Variants in CWF19L1 observed in about 807,000 individuals in gnomAD.
CWF19L1 encodes the protein CWF19-like protein 1.
CWF19L1 carries 60 observed loss-of-function variants against 69.7 expected under a neutral mutation model. That is an observed-to-expected ratio of 0.86 (90% confidence interval 0.70 to 1.07). CWF19L1 has a LOEUF of 1.07. Among genes scored for constraint, CWF19L1 ranks in the 50% least tolerant of loss-of-function variants. The probability of loss-of-function intolerance (pLI) is 0.00; values close to 1 mark genes in which losing one functional copy is unlikely to be tolerated. For missense variants in CWF19L1, 591 were observed against 638.9 expected (o/e 0.92, Z 0.81); for synonymous variants, 209 against 222.2 (o/e 0.94, Z 0.53).
At chr10:100,234,733 C>A (rs1224156903) in intron 13 of CWF19L1, among the ~76,000 whole-genome samples, 1 of 152,224 alleles carries the variant, frequency 6.6e-6, no homozygotes, top group Non-Finnish European at 1.5e-5. Context: ...CTGTTCTACA[C>A]ATTTTCCACT....
chr10:100,260,390 A>G (rs1204810284), intron 3 of CWF19L1, 71 bp from the exon 4 acceptor site: 2 of 780,480 alleles, frequency 2.6e-6, no homozygotes, highest in African/African-American at 3.6e-5. Flanking sequence ...ATGCCTCTCT[A>G]TAGAAAAAAT....
chr10:100,245,454 A>T (rs911010320), intron 9 of CWF19L1, among the ~76,000 whole-genome samples: 2 of 152,224 alleles, frequency 1.3e-5, no homozygotes, highest in Admixed American at 1.3e-4. Flanking sequence ...CTAAAAATAC[A>T]GAGTCCAAGA....
At position 100,236,714 on chromosome 10, in the gene CWF19L1, G is replaced by A. The variant is rs533244230; in HGVS notation, c.1374+136C>T. ...GAACCCGGAAGGCGGAGGTTGCAGT[G>A]AGCCAAGATCATGCCACTGCACTCC... On this transcript the variant is annotated intron_variant, in intron 12 of 13. Transcript: ENST00000354105. 12 of 1,038,420 alleles carry A rather than the reference G, an allele frequency of 1.2e-5. No individual in the cohort carries two copies. The South Asian group carries it at 2.0e-4, about 17-fold the overall frequency. The allele number at this position is 1,038,420 out of a possible 1,614,324, so 64.3% of individuals were successfully genotyped here. A position where few individuals can be genotyped will look rare whatever the true frequency, so the allele number is the denominator to read the frequency against.
At chr10:100,265,920 T>G (rs975364305) in intron 1 of CWF19L1, among the ~76,000 whole-genome samples, 3 of 152,216 alleles carry the variant, frequency 2.0e-5, no homozygotes, top group Admixed American at 2.0e-4. Flanking sequence ...GACGTACAGC[T>G]ATACCATTTA....
At chr10:100,262,199 G>A (rs1288224694) in intron 1 of CWF19L1, 136 bp from the exon 2 acceptor site, 14 of 1,390,752 alleles carry the variant, frequency 1.0e-5, no homozygotes, top group Non-Finnish European at 1.3e-5. Flanking sequence ...TTCAGTGCAC[G>A]TAAACCACTG....
At chr10:100,255,262 T>C (rs1847170354) in intron 5 of CWF19L1, among the ~76,000 whole-genome samples, 1 of 152,230 alleles carries the variant, frequency 6.6e-6, no homozygotes, top group Non-Finnish European at 1.5e-5. Context: ...CTCACGCCTG[T>C]AATCCCAGCA....
At chr10:100,238,544 C>T (rs968043520) in intron 10 of CWF19L1, among the ~76,000 whole-genome samples, 2 of 152,170 alleles carry the variant, frequency 1.3e-5, no homozygotes, top group Non-Finnish European at 2.9e-5. Flanking sequence ...CAGAACAAAT[C>T]GCTGGGTTTT....
intron 6 of CWF19L1, 31 bp from the exon 7 acceptor site, chr10:100,250,363 A>G: frequency 7.0e-7 from 1 of 1,419,500 alleles, no homozygotes; most frequent in Non-Finnish European, 9.9e-7. Context: ...AAAAAATTGC[A>G]AACAATTTTA....
chr10:100,258,309 T>G (rs1847279533), intron 4 of CWF19L1, among the ~76,000 whole-genome samples: 1 of 152,212 alleles, frequency 6.6e-6, no homozygotes, highest in South Asian at 2.1e-4. Context: ...AAGCTCACTA[T>G]CACATGTTCA....
intron 1 of CWF19L1, among the ~76,000 whole-genome samples, chr10:100,266,502 AACTTT>A (rs981709546): frequency 6.9e-6 from 1 of 144,076 alleles, no homozygotes; most frequent in African/African-American, 2.6e-5. Context: ...TCACTATGGT[AACTTT>A]ACATTTATCT....
Position 100,241,000 on chromosome 10 carries a change from C to CTTTTTTTTTTTTTTTTT in CWF19L1, c.1044+2681_1044+2697dup, listed in dbSNP as rs56262807. On this transcript the variant is annotated intron_variant, in intron 10 of 13. Coordinates refer to ENST00000354105, the MANE Select transcript of CWF19L1 (RefSeq NM_018294.6). ...GACAGGAGTGTGCCACTAATTAAGCCTTTTTTTTTTTTTTTTTTTTTTTTT... is the reference window on the plus strand; with the variant it reads ...GACAGGAGTGTGCCACTAATTAAGCCTTTTTTTTTTTTTTTTTTTTTTTTTTTTTTTTTTTTTTTTTT... 3.4e-4 allele frequency among the ~76,000 whole-genome samples: 24 copies of CTTTTTTTTTTTTTTTTT among 70,628 alleles called. 3 individuals carry two copies. The highest frequency in any genetic ancestry group is 1.5e-3 in the African/African-American group (23 of 15,574). The allele number at this position is 70,628 out of a possible 152,430, so 46.3% of individuals were successfully genotyped here.
rs1477674426 is a variant in CWF19L1, at chr10:100,250,236, G to A, written c.708+12C>T. 1 of 1,564,490 alleles carries A rather than the reference G, an allele frequency of 6.4e-7. No individual in the cohort carries two copies. On this transcript the variant is annotated intron_variant, in intron 7 of 13. Transcript: ENST00000354105. ...TGAATATCAACCTTCCACCAAATAG[G>A]TAAATCTTTACCTTTTTCTTTTCTG...
chr10:100,252,151 T>C (rs951822284), intron 6 of CWF19L1, among the ~76,000 whole-genome samples: 2 of 152,234 alleles, frequency 1.3e-5, no homozygotes, highest in Non-Finnish European at 2.9e-5. Flanking sequence ...TTCTGAGCTT[T>C]TACTTAACTC....
intron 1 of CWF19L1, 171 bp downstream of exon 1, chr10:100,267,399 GA>G: frequency 5.1e-6 from 5 of 984,380 alleles, no homozygotes; most frequent in Non-Finnish European, 6.0e-6. Context: ...AAAGGGCCAG[GA>G]AAAGAGGTCA....
chr10:100,243,828 AT>A, intron 9 of CWF19L1, 51 bp from the exon 10 acceptor site: 1 of 1,403,374 alleles, frequency 7.1e-7, no homozygotes, highest in Non-Finnish European at 1.0e-6. Flanking sequence ...ACTACAGCAT[AT>A]AATCACCCCA....
At chr10:100,258,064 CCT>C (rs1847271795) in intron 4 of CWF19L1, among the ~76,000 whole-genome samples, 1 of 152,000 alleles carries the variant, frequency 6.6e-6, no homozygotes, top group South Asian at 2.1e-4. Context: ...ATGGTGAAAC[CCT>C]GTCTCTACTA....
At chr10:100,249,313 G>T (rs1846942071) in intron 7 of CWF19L1, among the ~76,000 whole-genome samples, 1 of 152,158 alleles carries the variant, frequency 6.6e-6, no homozygotes, top group Non-Finnish European at 1.5e-5. Flanking sequence ...TCTATGGCAT[G>T]TGATAGTGGA....
intron 1 of CWF19L1, 138 bp downstream of exon 1, chr10:100,267,433 A>C: frequency 6.4e-7 from 1 of 1,566,170 alleles, no homozygotes; most frequent in Non-Finnish European, 8.6e-7. Flanking sequence ...CAAAGACATC[A>C]CCTAAGCTCC....
At chr10:100,239,340 G>A (rs35670156) in intron 10 of CWF19L1, among the ~76,000 whole-genome samples, 10 of 152,034 alleles carry the variant, frequency 6.6e-5, no homozygotes, top group Non-Finnish European at 8.8e-5. Context: ...ATATAGATAC[G>A]TTAGAAAACA....
Sources: gnomAD v4.1 joint callset for allele counts (sites outside exome capture counted in the v4.1 genomes callset) on GRCh38, gnomAD v4.1.1 for gene constraint, MANE v1.5 for transcripts, NCBI Gene and HGNC (gene_info 2026-07-23, HGNC 2026-07-21) for gene names.